SLC13A4: variants seen among roughly 807,000 people sequenced by gnomAD.
SLC13A4 encodes solute carrier family 13 member 4.
In SLC13A4, 28 loss-of-function variants were observed where a neutral mutation model predicts 72.7. The observed-to-expected ratio is 0.39, with a 90% CI of 0.29 to 0.53. The LOEUF is 0.53. Among genes scored for constraint, SLC13A4 ranks in the 20% least tolerant of loss-of-function variants. The pLI is 0.78. For synonymous variants in SLC13A4, 312 were observed against 325.5 expected (o/e 0.96, Z 0.45); for missense variants, 653 against 788.0 (o/e 0.83, Z 2.05).
At chr7:135,692,731 A>C in intron 10 of SLC13A4, 1 of 273,184 alleles carries the variant, frequency 3.7e-6, no homozygotes, top group Admixed American at 5.1e-5. Context: ...GCAGCCCCAA[A>C]CACTGTGCTG....
intron 2 of SLC13A4, among the ~76,000 whole-genome samples, chr7:135,711,181 C>A (rs1796292547): frequency 6.6e-6 from 1 of 152,190 alleles, no homozygotes; most frequent in African/African-American, 2.4e-5. Context: ...GAGAGAAACC[C>A]ACAGAAGATG....
intron 13 of SLC13A4, among the ~76,000 whole-genome samples, chr7:135,685,923 G>A (rs1001312049): frequency 6.6e-6 from 1 of 152,230 alleles, no homozygotes; most frequent in African/African-American, 2.4e-5. Flanking sequence ...GGGACATGGA[G>A]AGCCACCCTA....
Position 135,727,482 on chromosome 7 carries a change from C to T in SLC13A4, c.15G>A (p.Gln5=). Residue 5 remains glutamine (Q), a synonymous_variant, in exon 1 of 16, where the codon CAG becomes CAA. Coordinates refer to ENST00000682651, the MANE Select transcript of SLC13A4 (RefSeq NM_001318192.2). The part of the protein sequence containing the change: MGLL[Q]GLLRVRKLLL... ...GCAGCTTCCGGACTCGGAGCAGGCCCTGCAGCAGGCCCATCGCGCCTCTGT... is the reference window on the plus strand; with the variant it reads ...GCAGCTTCCGGACTCGGAGCAGGCCTTGCAGCAGGCCCATCGCGCCTCTGT... The T allele has an allele frequency of 6.4e-7, 1 of 1,550,584 alleles. No homozygotes were observed. The highest frequency in any genetic ancestry group is 8.7e-7 in the Non-Finnish European group (1 of 1,146,824).
Position 135,681,696 on chromosome 7 carries a change from T to G in SLC13A4, c.1751A>C (p.Lys584Thr). ...YGHCQIKDMV[K>T]AGLGVNVIGL... is the part of the protein sequence containing the mutation. Reference sequence around the variant, plus strand: ...AATAACGTTGACTCCCAGGCCAGCTTTCACCTGCAGGACACAAACCAGCAC... The same window carrying G: ...AATAACGTTGACTCCCAGGCCAGCTGTCACCTGCAGGACACAAACCAGCAC... The change falls in exon 16 of 16, where the codon AAA becomes ACA. Residue 584 changes from lysine to threonine, a missense_variant. Lys to Thr is a moderately conservative substitution (Grantham distance 78). Transcript: ENST00000682651. The G allele has an allele frequency of 6.2e-7, 1 of 1,613,088 alleles. No homozygotes were observed. The highest frequency in any genetic ancestry group is 1.1e-5 in the South Asian group (1 of 90,996).
intron 2 of SLC13A4, 94 bp from the exon 3 acceptor site, chr7:135,708,344 G>A (rs1159719612): frequency 1.3e-6 from 2 of 1,526,654 alleles, no homozygotes; most frequent in Non-Finnish European, 1.8e-6. Context: ...AATAAAACCT[G>A]TTCTCAATCA....
At chr7:135,702,022 G>A in intron 6 of SLC13A4, 1 of 354,570 alleles carries the variant, frequency 2.8e-6, no homozygotes, top group Non-Finnish European at 5.0e-6. Flanking sequence ...GCCTTTCTGG[G>A]ACTTTATTAG....
In SLC13A4 at chr7:135,706,269, A is replaced by G; in HGVS notation, c.397T>C (p.Leu133=). ...GTGTTGGACAGCCACATGGACAGCA[A>G]CGTGGTACAGCACATGAAGCAGAGC... ...LLLCFMCCTT[L]LSMWLSNTST... is the part of the protein sequence containing the mutation. The change falls in exon 4 of 16, where the codon TTG becomes CTG. Residue 133 remains leucine, a synonymous_variant. Transcript: ENST00000682651. 1 of 1,613,594 alleles carries G rather than the reference A, an allele frequency of 6.2e-7. No homozygotes were observed. Among genetic ancestry groups the G allele is most frequent in the Non-Finnish European group, 8.5e-7 (1 of 1,179,624 alleles).
rs1795883423 is a variant in SLC13A4, at chr7:135,695,606, A to G, written c.900-119T>C. The G allele has an allele frequency of 5.2e-6, 6 of 1,163,928 alleles. No homozygotes were observed. In the Admixed American group the frequency reaches 1.4e-4, roughly 27 times the overall value. 72.1% of individuals were successfully genotyped at this position (1,163,928 alleles called of 1,614,324 possible). ...CTGGGCTAAGTGGGGAGATAATGAT[A>G]ACGATATGGTAAAACGTTGCCTAGG... On this transcript the variant is annotated intron_variant, in intron 8 of 15. Transcript: ENST00000682651.
In SLC13A4 at chr7:135,681,245, GTCT is replaced by G. The variant is rs1352518908; in HGVS notation, c.*315_*317del. The G allele has an allele frequency of 4.4e-6, 1 of 225,592 alleles. No individual in the cohort carries two copies. The highest frequency in any genetic ancestry group is 2.3e-5 in the African/African-American group (1 of 44,184). 14.0% of individuals were successfully genotyped at this position (225,592 alleles called of 1,614,324 possible). ...CTAGATACAACTTTAGGTTTTCTTT[GTCT>G]TCTTTTTTTTTAATTTAATTTTTAT... On this transcript the variant is annotated 3_prime_UTR_variant, in exon 16 of 16. Coordinates refer to ENST00000682651, the MANE Select transcript of SLC13A4 (RefSeq NM_001318192.2).
intron 9 of SLC13A4, 117 bp from the exon 10 acceptor site, chr7:135,694,355 A>G (rs547977559): frequency 3.0e-6 from 2 of 656,414 alleles, no homozygotes; most frequent in South Asian, 1.8e-5. Flanking sequence ...CCTCTTTCAC[A>G]TGCTCTATCC....
At chr7:135,720,546 T>A (rs1296350897) in intron 2 of SLC13A4, among the ~76,000 whole-genome samples, 1 of 114,304 alleles carries the variant, frequency 8.7e-6, no homozygotes, top group East Asian at 2.4e-4. Context: ...TGATTCAGGC[T>A]TTTTCATTAA....
chr7:135,692,212 C>A (rs1279002381), intron 11 of SLC13A4, 111 bp downstream of exon 11: 1 of 808,138 alleles, frequency 1.2e-6, no homozygotes, highest in Admixed American at 2.3e-5. Flanking sequence ...AGTGGATTTC[C>A]TGGGGAATGA....
intron 1 of SLC13A4, 130 bp downstream of exon 1, chr7:135,727,268 T>G: frequency 8.2e-7 from 1 of 1,217,004 alleles, no homozygotes. Context: ...GGAAAAATCC[T>G]TCCATTTCTT....
intron 8 of SLC13A4, among the ~76,000 whole-genome samples, chr7:135,697,150 T>C (rs1795921169): frequency 6.6e-6 from 1 of 152,266 alleles, no homozygotes; most frequent in African/African-American, 2.4e-5. Flanking sequence ...AAACCAAGCG[T>C]GACGCCTGTC....
intron 15 of SLC13A4, 61 bp from the exon 16 acceptor site, chr7:135,681,761 G>A: frequency 1.3e-6 from 2 of 1,574,560 alleles, no homozygotes; most frequent in Non-Finnish European, 1.7e-6. Flanking sequence ...AGATCCCCAA[G>A]TCCCCCTTCT....
intron 2 of SLC13A4, among the ~76,000 whole-genome samples, chr7:135,721,106 C>T (rs2129495442): frequency 6.6e-6 from 1 of 152,268 alleles, no homozygotes; most frequent in South Asian, 2.1e-4. Flanking sequence ...AATCACACAG[C>T]TCCTAAAAGG....
chr7:135,704,406 A>G (rs986138150), intron 5 of SLC13A4: 2 of 152,544 alleles, frequency 1.3e-5, no homozygotes, highest in Non-Finnish European at 2.9e-5. Flanking sequence ...CCAGACCTCA[A>G]TAGCCCCCAT....
intron 2 of SLC13A4, among the ~76,000 whole-genome samples, chr7:135,720,887 G>T (rs1242385779): frequency 6.6e-6 from 1 of 152,186 alleles, no homozygotes; most frequent in East Asian, 1.9e-4. Context: ...AGAAGAAAAA[G>T]AAATGTTGTT....
intron 2 of SLC13A4, among the ~76,000 whole-genome samples, chr7:135,712,620 G>C (rs1046973507): frequency 2.0e-5 from 3 of 152,188 alleles, no homozygotes; most frequent in African/African-American, 7.2e-5. Flanking sequence ...TCCATCTAAA[G>C]GCTGAGCTGG....
Sources: gnomAD v4.1 joint callset for allele counts (sites outside exome capture counted in the v4.1 genomes callset) on GRCh38, gnomAD v4.1.1 for gene constraint, MANE v1.5 for transcripts, NCBI Gene and HGNC (gene_info 2026-07-23, HGNC 2026-07-21) for gene names.